The following SRGAP1 variants were observed in gnomAD, a reference collection of about 807,000 sequenced individuals.
SRGAP1 encodes the protein SLIT-ROBO Rho GTPase activating protein 1.
In SRGAP1, 43 loss-of-function variants were observed where a neutral mutation model predicts 121.9. That is an observed-to-expected ratio of 0.35 (90% CI 0.28 to 0.46). The LOEUF (loss-of-function observed/expected upper bound fraction) is 0.46. SRGAP1 is among the 20% of genes least tolerant of loss of function. The pLI is 1.00. For synonymous variants in SRGAP1, 447 were observed against 485.4 expected (o/e 0.92, Z 1.04); for missense variants, 1,102 against 1,350.9 (o/e 0.82, Z 2.89).
chr12:63,954,159 G>A (rs1326894538), intron 1 of SRGAP1, among the ~76,000 whole-genome samples: 1 of 152,016 alleles, frequency 6.6e-6, no homozygotes, highest in Admixed American at 6.6e-5. Flanking sequence ...TAGCTCCATA[G>A]GAAACTTTTT....
At chr12:63,869,317 CAAT>C (rs1027098368) in intron 1 of SRGAP1, among the ~76,000 whole-genome samples, 3 of 152,172 alleles carry the variant, frequency 2.0e-5, no homozygotes, top group Non-Finnish European at 2.9e-5. Context: ...CCAGAGATAA[CAAT>C]AATGGCATTA....
chr12:64,025,439 G>A (rs1456063107), intron 4 of SRGAP1, among the ~76,000 whole-genome samples: 2 of 152,116 alleles, frequency 1.3e-5, no homozygotes, highest in African/African-American at 4.8e-5. Flanking sequence ...AGGGAGGAGT[G>A]GGGGTTACGT....
At chr12:63,876,672 T>G (rs1256305504) in intron 1 of SRGAP1, among the ~76,000 whole-genome samples, 1 of 152,192 alleles carries the variant, frequency 6.6e-6, no homozygotes, top group Non-Finnish European at 1.5e-5. Context: ...ACAAACAGAA[T>G]GATGTACGCT....
rs1192237923 is a variant in SRGAP1, at chr12:63,857,802, A to G, written c.67+12919A>G. ...AAGATGATTTTATTTTCTCATTTAT[A>G]AGCCCTATGGATTTATTTTTCTTAT... On this transcript the variant is annotated intron_variant, in intron 1 of 21. Coordinates refer to ENST00000355086, the MANE Select transcript of SRGAP1 (RefSeq NM_020762.4). Among the ~76,000 whole-genome samples, 3 of 152,212 alleles carry G rather than the reference A, an allele frequency of 2.0e-5. No homozygotes were observed. The East Asian group carries it at 5.8e-4, about 29-fold the overall frequency.
Position 64,155,935 on chromosome 12 carries a change from G to C in SRGAP1, c.*13263G>C, listed in dbSNP as rs1159775431. On this transcript the variant is annotated 3_prime_UTR_variant, in exon 22 of 22. Coordinates refer to ENST00000355086, the MANE Select transcript of SRGAP1 (RefSeq NM_020762.4). Reference sequence around the variant, plus strand: ...CAGGCATGAGCCACCACGCCTGGCTGAGTTAAATATTTTCTATGTGCCAAG... The same window carrying C: ...CAGGCATGAGCCACCACGCCTGGCTCAGTTAAATATTTTCTATGTGCCAAG... 2 of 152,190 alleles carry C rather than the reference G, an allele frequency of 1.3e-5. No individual in the cohort carries two copies. Among genetic ancestry groups the C allele is most frequent in the Non-Finnish European group, 2.9e-5 (2 of 68,046 alleles). 9.4% of individuals were successfully genotyped at this position (152,190 alleles called of 1,614,324 possible).
At chr12:63,897,242 C>T (rs1456841185) in intron 1 of SRGAP1, among the ~76,000 whole-genome samples, 1 of 152,072 alleles carries the variant, frequency 6.6e-6, no homozygotes, top group African/African-American at 2.4e-5. Context: ...AACATATGTG[C>T]TATTTGATGT....
rs369926654 is a variant in SRGAP1, at chr12:64,115,765, A to C, written c.2145-49A>C. 1.7e-5 allele frequency: 26 copies of C among 1,531,232 alleles called. No individual in the cohort carries two copies. The African/African-American group carries it at 3.3e-4, about 19-fold the overall frequency. The allele number at this position is 1,531,232 out of a possible 1,614,324, so 94.9% of individuals were successfully genotyped here. ...AGCAGTGCAAGAACCTGTCTCAAAA[A>C]ATTTTTGTCTATTTTAATTTCATAT... On this transcript the variant is annotated intron_variant, in intron 17 of 21. Transcript: ENST00000355086.
At chr12:63,856,931 A>G (rs946725840) in intron 1 of SRGAP1, among the ~76,000 whole-genome samples, 1 of 152,176 alleles carries the variant, frequency 6.6e-6, no homozygotes, top group African/African-American at 2.4e-5. Context: ...GTATTCCTCC[A>G]TTTATTTAGT....
chr12:63,872,665 A>G (rs1026815313), intron 1 of SRGAP1, among the ~76,000 whole-genome samples: 2 of 152,230 alleles, frequency 1.3e-5, no homozygotes, highest in African/African-American at 2.4e-5. Flanking sequence ...CAGCTATTGA[A>G]TATCTTTATA....
intron 1 of SRGAP1, among the ~76,000 whole-genome samples, chr12:63,880,721 C>T (rs1900167456): frequency 1.3e-5 from 2 of 152,142 alleles, no homozygotes; most frequent in Admixed American, 1.3e-4. Context: ...CAGCACCTCC[C>T]ATTACCTTTA....
chr12:64,015,369 T>A (rs1203068757), intron 3 of SRGAP1, among the ~76,000 whole-genome samples: 1 of 152,204 alleles, frequency 6.6e-6, no homozygotes, highest in Non-Finnish European at 1.5e-5. Flanking sequence ...CCTTTCACTC[T>A]TGAGTGATTT....
chr12:64,081,005 C>T (rs2035828309), intron 10 of SRGAP1: 1 of 153,622 alleles, frequency 6.5e-6, no homozygotes, highest in Non-Finnish European at 1.4e-5. Flanking sequence ...AATAATTTCT[C>T]CGTTTTTACA....
chr12:64,130,970 G>T (rs376855774), intron 21 of SRGAP1, among the ~76,000 whole-genome samples: 51 of 152,320 alleles, frequency 3.3e-4, no homozygotes, highest in African/African-American at 1.2e-3. Context: ...CATATCGAGG[G>T]CTGTGTTGGC....
intron 18 of SRGAP1, among the ~76,000 whole-genome samples, chr12:64,117,648 G>A (rs1220960398): frequency 1.3e-5 from 2 of 152,050 alleles, no homozygotes; most frequent in Non-Finnish European, 2.9e-5. Context: ...ACACTTAAGT[G>A]TACAGTACCT....
intron 10 of SRGAP1, among the ~76,000 whole-genome samples, chr12:64,086,433 G>T (rs1362186791): frequency 1.3e-5 from 2 of 152,124 alleles, no homozygotes; most frequent in Non-Finnish European, 2.9e-5. Context: ...CTTACAAGTT[G>T]GTGGAATGTA....
intron 1 of SRGAP1, among the ~76,000 whole-genome samples, chr12:63,971,763 G>GGT (rs148460394): frequency 0.011 from 1,576 of 148,490 alleles, 5 homozygotes; most frequent in African/African-American, 0.021. Context: ...TGTGTGTGTG[G>GGT]GTGTGTGTGT....
chr12:64,126,315 G>A (rs1014248237), intron 19 of SRGAP1, among the ~76,000 whole-genome samples, 158 bp downstream of exon 19: 2 of 152,232 alleles, frequency 1.3e-5, no homozygotes, highest in African/African-American at 4.8e-5. Flanking sequence ...GTGGCTCTTT[G>A]CTAACAGTAA....
chr12:63,996,473 G>A (rs1320334294), intron 3 of SRGAP1, among the ~76,000 whole-genome samples: 3 of 151,990 alleles, frequency 2.0e-5, no homozygotes, highest in Non-Finnish European at 2.9e-5. Flanking sequence ...GAATTATCAA[G>A]TCAGAGGGTG....
intron 14 of SRGAP1, among the ~76,000 whole-genome samples, chr12:64,096,541 G>A (rs985581719): frequency 2.6e-5 from 4 of 152,186 alleles, no homozygotes; most frequent in South Asian, 2.1e-4. Context: ...AGAAAGAAAC[G>A]CTCACCAGAC....
Sources: allele counts gnomAD v4.1 joint callset (sites outside exome capture counted in the v4.1 genomes callset), GRCh38; gene constraint gnomAD v4.1.1; transcripts MANE v1.5; gene names NCBI Gene and HGNC (gene_info 2026-07-23, HGNC 2026-07-21).